FRMD4A: variants seen among roughly 807,000 people sequenced by gnomAD.
The protein encoded by FRMD4A is FERM domain containing 4A.
A neutral mutation model predicts 129.1 loss-of-function variants in FRMD4A; 29 were observed. The observed-to-expected ratio is 0.22, with a 90% confidence interval of 0.17 to 0.31. The LOEUF is 0.31. FRMD4A is among the 10% of genes least tolerant of loss of function. The pLI is 1.00. For missense variants in FRMD4A, 1,272 were observed against 1,375.8 expected (o/e 0.92, Z 1.19); for synonymous variants, 634 against 571.6 (o/e 1.11, Z -1.56).
At chr10:13,762,585 T>A (rs774507325) in intron 7 of FRMD4A, 39 bp downstream of exon 7, 43 of 1,148,188 alleles carry the variant, frequency 3.7e-5, no homozygotes, top group Non-Finnish European at 5.3e-5. Flanking sequence ...CTTCTGTGTA[T>A]GGCCGTGGGA....
At chr10:14,329,236 G>C (rs1843412908) in intron 2 of FRMD4A, among the ~76,000 whole-genome samples, 1 of 152,158 alleles carries the variant, frequency 6.6e-6, no homozygotes. Context: ...TCCATGCCAA[G>C]CCTGATGCAG....
At chr10:13,715,183 T>C (rs1216745475) in intron 12 of FRMD4A, among the ~76,000 whole-genome samples, 1 of 152,210 alleles carries the variant, frequency 6.6e-6, no homozygotes, top group African/African-American at 2.4e-5. Flanking sequence ...GCAAGAACCC[T>C]GGGTGGGAGG....
intron 2 of FRMD4A, among the ~76,000 whole-genome samples, chr10:14,185,718 T>G (rs1018325766): frequency 6.6e-6 from 1 of 152,106 alleles, no homozygotes; most frequent in Non-Finnish European, 1.5e-5. Context: ...CTTCAGTAGT[T>G]CTAGAGAGAA....
At chr10:13,789,330 A>G (rs1564805877) in intron 5 of FRMD4A, among the ~76,000 whole-genome samples, 1 of 152,020 alleles carries the variant, frequency 6.6e-6, no homozygotes, top group South Asian at 2.1e-4. Flanking sequence ...TGGCTGTAAA[A>G]TCCTTCCTCC....
At chr10:13,780,326 C>A (rs1375940760) in intron 6 of FRMD4A, among the ~76,000 whole-genome samples, 12 of 145,548 alleles carry the variant, frequency 8.2e-5, no homozygotes, top group African/African-American at 1.3e-4. Flanking sequence ...GACTGTGTCT[C>A]AAAAAAAAAA....
rs573120814 is a variant in FRMD4A at position 14,109,966 on chromosome 10, G to A, written c.45+220092C>T. Reference sequence around the variant, plus strand: ...AGCCTGGGCCACACAGCAAGACTCCGTCTCCCTCCCCCAAACCCACCAAAA... The same window carrying A: ...AGCCTGGGCCACACAGCAAGACTCCATCTCCCTCCCCCAAACCCACCAAAA... On this transcript the variant is annotated intron_variant, in intron 2 of 24. Coordinates refer to ENST00000357447, the MANE Select transcript of FRMD4A (RefSeq NM_018027.5). Among the ~76,000 whole-genome samples the A allele has an allele frequency of 1.6e-3, 234 of 144,672 alleles. 3 individuals are homozygous for A. Among genetic ancestry groups the A allele is most frequent in the Non-Finnish European group, 1.5e-4 (10 of 66,584 alleles). The allele number at this position is 144,672 out of a possible 152,430, so 94.9% of individuals were successfully genotyped here. A position where few individuals can be genotyped will look rare whatever the true frequency, so the allele number is the denominator to read the frequency against.
At chr10:13,837,266 C>T (rs2093891390) in intron 3 of FRMD4A, among the ~76,000 whole-genome samples, 1 of 152,178 alleles carries the variant, frequency 6.6e-6, no homozygotes, top group Admixed American at 6.5e-5. Context: ...GCCCTAACTG[C>T]TGCCTTTCTC....
intron 2 of FRMD4A, among the ~76,000 whole-genome samples, chr10:14,045,239 C>T (rs1029379088): frequency 3.6e-4 from 54 of 151,840 alleles, no homozygotes; most frequent in African/African-American, 1.3e-3. Flanking sequence ...ACACTGTAGC[C>T]TAGCAAAACT....
In FRMD4A at chr10:14,252,103, C is replaced by T. The variant is rs189695365; in HGVS notation, c.45+77955G>A. Among the ~76,000 whole-genome samples, 381 of 152,106 alleles carry T rather than the reference C, an allele frequency of 2.5e-3. 2 individuals are homozygous for T. The highest frequency in any genetic ancestry group is 7.9e-3 in the African/African-American group (330 of 41,510). Reference sequence around the variant, plus strand: ...GAATAGAAAAACGAATGTCCAATGCCCTTATCCTAGATTCCTCAAATGTTA... The same window carrying T: ...GAATAGAAAAACGAATGTCCAATGCTCTTATCCTAGATTCCTCAAATGTTA... On this transcript the variant is annotated intron_variant, in intron 2 of 24. Transcript: ENST00000357447.
chr10:14,186,333 C>T (rs369156761), intron 2 of FRMD4A, among the ~76,000 whole-genome samples: 1 of 152,146 alleles, frequency 6.6e-6, no homozygotes, highest in South Asian at 2.1e-4. Context: ...CACATGCGAC[C>T]CATGAGGAGG....
At chr10:13,891,822 G>C (rs2094701272) in intron 2 of FRMD4A, 1 of 799,148 alleles carries the variant, frequency 1.3e-6, no homozygotes, top group African/African-American at 1.9e-5. Context: ...TAGCCCGCTC[G>C]CGCCTCTCGC....
At chr10:13,887,964 G>C (rs1042600117) in intron 2 of FRMD4A, among the ~76,000 whole-genome samples, 6 of 152,210 alleles carry the variant, frequency 3.9e-5, no homozygotes, top group African/African-American at 1.4e-4. Flanking sequence ...AAACTGCTGT[G>C]AAGAGAATTT....
At chr10:13,729,769 C>A (rs1345949945) in intron 12 of FRMD4A, among the ~76,000 whole-genome samples, 2 of 152,142 alleles carry the variant, frequency 1.3e-5, no homozygotes, top group African/African-American at 4.8e-5. Flanking sequence ...TAAAAGCCCC[C>A]CTAATTGCAC....
At chr10:13,945,198 CT>C (rs1291398608) in intron 2 of FRMD4A, among the ~76,000 whole-genome samples, 1 of 152,056 alleles carries the variant, frequency 6.6e-6, no homozygotes, top group African/African-American at 2.4e-5. Flanking sequence ...GAAGGGATTT[CT>C]TTGGTAGGTA....
At chr10:13,926,032 G>A (rs1539502) in intron 2 of FRMD4A, among the ~76,000 whole-genome samples, 47,366 of 151,798 alleles carry the variant, frequency 0.31, 8,294 homozygotes, top group East Asian at 0.7. Flanking sequence ...CCTATTAGGC[G>A]TCTGTTCATC....
At chr10:13,714,068 CT>C (rs1160717514) in intron 12 of FRMD4A, among the ~76,000 whole-genome samples, 8 of 13,252 alleles carry the variant, frequency 6.0e-4, no homozygotes, top group East Asian at 1.7e-3. Context: ...ATAAAATATA[CT>C]TTTTTTTTGA....
chr10:14,014,987 C>CCTTT (rs2095693754), intron 2 of FRMD4A, among the ~76,000 whole-genome samples: 2 of 18,158 alleles, frequency 1.1e-4, no homozygotes, highest in East Asian at 2.9e-3. Flanking sequence ...TTCCTTTCAT[C>CCTTT]CTTTCTTATC....
chr10:13,775,438 A>G (rs1158945321), intron 6 of FRMD4A, among the ~76,000 whole-genome samples: 1 of 151,926 alleles, frequency 6.6e-6, no homozygotes. Context: ...TTTTTTTTGT[A>G]TATTTCTATA....
At chr10:13,901,608 CAA>C (rs35890520) in intron 2 of FRMD4A, among the ~76,000 whole-genome samples, 1,755 of 120,702 alleles carry the variant, frequency 0.015, 13 homozygotes, top group Non-Finnish European at 0.02. Context: ...GACTTCATCT[CAA>C]AAAAAAAAAA....
Sources: gnomAD v4.1 joint callset for allele counts (sites outside exome capture counted in the v4.1 genomes callset) on GRCh38, gnomAD v4.1.1 for gene constraint, MANE v1.5 for transcripts, NCBI Gene and HGNC (gene_info 2026-07-23, HGNC 2026-07-21) for gene names.